The following SHISA9 variants were observed in gnomAD, a reference collection of about 807,000 sequenced individuals.
The protein encoded by SHISA9 is shisa family member 9.
Under a neutral mutation model 38.0 loss-of-function variants are expected in SHISA9, and 13 were observed. The ratio of observed to expected loss-of-function variants is 0.34; its 90% CI spans 0.22 to 0.54. The LOEUF (loss-of-function observed/expected upper bound fraction) is 0.54. Among genes scored for constraint, SHISA9 ranks in the 20% least tolerant of loss-of-function variants. The pLI is 0.91. For missense variants in SHISA9, 538 were observed against 575.8 expected (o/e 0.93, Z 0.67); for synonymous variants, 275 against 242.0 (o/e 1.14, Z -1.27).
At chr16:13,411,112 G>A in the SHISA9 span, among the ~76,000 whole-genome samples, 1,488 of 152,240 alleles carry the variant, frequency 9.8e-3, 23 homozygotes, top group African/African-American at 0.034. Context: ...TCCCATATCC[G>A]TCCCTGATTC....
At chr16:13,023,523 G>A (rs1175483652) in intron 2 of SHISA9, among the ~76,000 whole-genome samples, 4 of 152,096 alleles carry the variant, frequency 2.6e-5, no homozygotes, top group African/African-American at 9.7e-5. Context: ...ATAATCCTTC[G>A]GGTATATACC....
chr16:12,916,949 C>G (rs2071266812), intron 2 of SHISA9, 134 bp downstream of exon 2: 1 of 1,045,978 alleles, frequency 9.6e-7, no homozygotes, highest in African/African-American at 1.6e-5. Context: ...TCTTTCATGT[C>G]TTTTGGATGA....
rs181024951 is a variant in SHISA9 at position 13,126,509 on chromosome 16, G to A, written c.692-76885G>A. 1.6e-4 allele frequency among the ~76,000 whole-genome samples: 24 copies of A among 150,398 alleles called. No homozygotes were observed. The East Asian group carries it at 4.5e-3, about 29-fold the overall frequency. Reference sequence around the variant, plus strand: ...TGAGAGAGAAAGGGAGATTGAAGGAGGGGGAGAGAGATGGAGGGAGAGAGG... The same window carrying A: ...TGAGAGAGAAAGGGAGATTGAAGGAAGGGGAGAGAGATGGAGGGAGAGAGG... On this transcript the variant is annotated intron_variant, in intron 2 of 4. Coordinates refer to ENST00000558583, the MANE Select transcript of SHISA9 (RefSeq NM_001145204.3).
intron 2 of SHISA9, among the ~76,000 whole-genome samples, chr16:13,039,485 GTTTT>G (rs5815735): frequency 0.016 from 1,983 of 126,826 alleles, 18 homozygotes; most frequent in African/African-American, 0.03. Flanking sequence ...ATGTCATGGG[GTTTT>G]TTTTTTTTTT....
At chr16:12,932,090 C>G (rs986726005) in intron 2 of SHISA9, among the ~76,000 whole-genome samples, 1 of 152,134 alleles carries the variant, frequency 6.6e-6, no homozygotes, top group East Asian at 1.9e-4. Flanking sequence ...GTAAGATGTA[C>G]CTTTGCTCCT....
At chr16:12,921,781 A>C (rs1249803709) in intron 2 of SHISA9, among the ~76,000 whole-genome samples, 1 of 152,158 alleles carries the variant, frequency 6.6e-6, no homozygotes, top group Non-Finnish European at 1.5e-5. Flanking sequence ...AAAAAAATTA[A>C]AAATTTTGAG....
chr16:13,015,102 C>G (rs1433392619), intron 2 of SHISA9, among the ~76,000 whole-genome samples: 5 of 152,190 alleles, frequency 3.3e-5, no homozygotes, highest in Non-Finnish European at 4.4e-5. Flanking sequence ...GGGCTGTACG[C>G]TCTGTAGTTA....
chr16:13,392,231 T>C, the SHISA9 span, among the ~76,000 whole-genome samples: 2 of 152,200 alleles, frequency 1.3e-5, no homozygotes, highest in Non-Finnish European at 2.9e-5. Context: ...GTGATTGTTT[T>C]GGAAATAGAC....
rs138972569 is a variant in SHISA9, at chr16:13,222,201, G to A, written c.895+8901G>A. On this transcript the variant is annotated intron_variant, in intron 4 of 4. Coordinates refer to ENST00000558583, the MANE Select transcript of SHISA9 (RefSeq NM_001145204.3). ...CCTCCCACCAGGTCCCTCCCACCAGGTCCCTCCCAAGACACTTGGGAATCA... is the reference window on the plus strand; with the variant it reads ...CCTCCCACCAGGTCCCTCCCACCAGATCCCTCCCAAGACACTTGGGAATCA... Among the ~76,000 whole-genome samples the A allele has an allele frequency of 6.2e-3, 949 of 152,152 alleles. 7 individuals carry two copies. The highest frequency in any genetic ancestry group is 0.011 in the Non-Finnish European group (730 of 67,996).
the SHISA9 span, among the ~76,000 whole-genome samples, chr16:13,260,020 T>C: frequency 1.7e-5 from 2 of 114,814 alleles, no homozygotes; most frequent in South Asian, 3.0e-4. Context: ...TTTTTTTTTT[T>C]TTTTTTTTTT....
chr16:12,956,211 ACT>A (rs2071833060), intron 2 of SHISA9, among the ~76,000 whole-genome samples: 1 of 67,598 alleles, frequency 1.5e-5, no homozygotes, highest in African/African-American at 4.4e-5. Flanking sequence ...AATGGCTATT[ACT>A]AAAAATCAGA....
intron 2 of SHISA9, among the ~76,000 whole-genome samples, chr16:13,199,210 T>G (rs2050980317): frequency 2.0e-5 from 3 of 152,204 alleles, no homozygotes; most frequent in African/African-American, 7.2e-5. Flanking sequence ...GATAATAGGC[T>G]TTGAAGGTTC....
chr16:12,982,555 T>C (rs1161770120), intron 2 of SHISA9, among the ~76,000 whole-genome samples: 2 of 152,140 alleles, frequency 1.3e-5, no homozygotes, highest in African/African-American at 4.8e-5. Flanking sequence ...TTCCCTGAAG[T>C]CCCCCAGCAG....
intron 2 of SHISA9, among the ~76,000 whole-genome samples, chr16:12,985,184 T>C (rs1226228327): frequency 6.9e-6 from 1 of 144,972 alleles, no homozygotes; most frequent in South Asian, 2.2e-4. Context: ...AAGCATTATG[T>C]TGTACACCAC....
In SHISA9 at chr16:13,057,088, A is replaced by G. The variant is rs183774540; in HGVS notation, c.691+140273A>G. ...AGCTAAAGGAATGGGCCTCGGTGCT[A>G]TAGGCCCGCTAGCAGAGGGGGCTGC... On this transcript the variant is annotated intron_variant, in intron 2 of 4. Transcript: ENST00000558583. 3.6e-4 allele frequency among the ~76,000 whole-genome samples: 55 copies of G among 152,330 alleles called. No individual in the cohort carries two copies. In the East Asian group the frequency reaches 0.01, roughly 28 times the overall value.
the SHISA9 span, among the ~76,000 whole-genome samples, chr16:13,274,133 G>T: frequency 2.6e-5 from 4 of 152,100 alleles, no homozygotes; most frequent in Non-Finnish European, 5.9e-5. Context: ...TTACTTGAAG[G>T]CTCGTAAGAT....
At chr16:13,359,883 G>C in the SHISA9 span, among the ~76,000 whole-genome samples, 1 of 152,308 alleles carries the variant, frequency 6.6e-6, no homozygotes, top group Non-Finnish European at 1.5e-5. Flanking sequence ...GGCAGCAAAG[G>C]ATGCTAGAAG....
intron 4 of SHISA9, among the ~76,000 whole-genome samples, chr16:13,223,809 T>A (rs1162249425): frequency 6.6e-6 from 1 of 152,188 alleles, no homozygotes; most frequent in African/African-American, 2.4e-5. Flanking sequence ...TGCAGAGGAA[T>A]TCCCCTTTAT....
chr16:13,131,364 C>T (rs2050305187), intron 2 of SHISA9, among the ~76,000 whole-genome samples: 2 of 152,112 alleles, frequency 1.3e-5, no homozygotes, highest in African/African-American at 4.8e-5. Context: ...AATGCAGGAA[C>T]AGAAAACCAA....
Sources: gnomAD v4.1 joint callset for allele counts (sites outside exome capture counted in the v4.1 genomes callset) on GRCh38, gnomAD v4.1.1 for gene constraint, MANE v1.5 for transcripts, NCBI Gene and HGNC (gene_info 2026-07-23, HGNC 2026-07-21) for gene names.